The following USP34 variants were observed in gnomAD, a reference collection of about 807,000 sequenced individuals.
The protein encoded by USP34 is ubiquitin carboxyl-terminal hydrolase 34.
In USP34, 70 loss-of-function variants were observed where a neutral mutation model predicts 460.3. That is an observed-to-expected ratio of 0.15 (90% CI 0.13 to 0.19). USP34 has a LOEUF of 0.19. USP34 is among the 10% of genes least tolerant of loss of function. USP34 has a pLI of 1.00. For synonymous variants in USP34, 1,647 were observed against 1,405.3 expected, an observed-to-expected ratio of 1.17 and a Z score of -3.85; for missense variants, 3,985 against 4,236.2, an observed-to-expected ratio of 0.94 and a Z score of 1.65.
At chr2:61,189,667 A>G (rs1686566128) in intron 78 of USP34, 1 of 152,390 alleles carries the variant, frequency 6.6e-6, no homozygotes, top group African/African-American at 2.4e-5. Context: ...TGAAAAATGG[A>G]AAAGGAAATA....
At chr2:61,352,482 C>T (rs937382286) in intron 10 of USP34, among the ~76,000 whole-genome samples, 1 of 151,614 alleles carries the variant, frequency 6.6e-6, no homozygotes, top group African/African-American at 2.4e-5. Context: ...TATTAATCTG[C>T]CACTTGGTTA....
intron 10 of USP34, among the ~76,000 whole-genome samples, chr2:61,359,225 C>G (rs1170217351): frequency 6.6e-6 from 1 of 152,074 alleles, no homozygotes; most frequent in Non-Finnish European, 1.5e-5. Flanking sequence ...TAGTATGGTA[C>G]TGACATAAGG....
chr2:61,429,908 G>C (rs1182623948), intron 1 of USP34, among the ~76,000 whole-genome samples: 2 of 151,246 alleles, frequency 1.3e-5, no homozygotes, highest in Non-Finnish European at 2.9e-5. Context: ...CTAAAATTTT[G>C]TATTTGTAAA....
chr2:61,339,045 T>C (rs1398670731), intron 18 of USP34, among the ~76,000 whole-genome samples: 6 of 152,180 alleles, frequency 3.9e-5, no homozygotes, highest in Admixed American at 3.9e-4. Flanking sequence ...TAACTGCAAT[T>C]TGAAAACAGA....
chr2:61,232,860 T>TCC (rs1165219820), intron 57 of USP34, among the ~76,000 whole-genome samples: 948 of 66,262 alleles, frequency 0.014, 28 homozygotes, highest in Middle Eastern at 0.054. Context: ...ATATATATAT[T>TCC]CCCCCCCCCC....
At position 61,197,221 on chromosome 2, in the gene USP34, A is replaced by C. The variant is rs150392273; in HGVS notation, c.9509-4241T>G. ...TGGAGGCAGAGGTTGCAGTGAGCCG[A>C]AACTGTGCCACTGTACTCCAGCCTG... On this transcript the variant is annotated intron_variant, in intron 75 of 79. Coordinates refer to ENST00000398571, the MANE Select transcript of USP34 (RefSeq NM_014709.4). 3.4e-3 allele frequency among the ~76,000 whole-genome samples: 519 copies of C among 152,334 alleles called. 2 individuals are homozygous for C. The highest frequency in any genetic ancestry group is 0.011 in the African/African-American group (447 of 41,562).
intron 1 of USP34, among the ~76,000 whole-genome samples, chr2:61,454,830 T>TAGCCGCC (rs1483866476): frequency 1.3e-5 from 2 of 148,876 alleles, no homozygotes; most frequent in Non-Finnish European, 3.0e-5. Flanking sequence ...ATTATAGGCA[T>TAGCCGCC]AGCCGCCACA....
chr2:61,223,970 C>T (rs1665521410), intron 62 of USP34, among the ~76,000 whole-genome samples: 1 of 152,200 alleles, frequency 6.6e-6, no homozygotes, highest in Non-Finnish European at 1.5e-5. Flanking sequence ...ATGAATTATT[C>T]TGAAGCAAAT....
chr2:61,447,716 T>TTTTA (rs1008854837), intron 1 of USP34, among the ~76,000 whole-genome samples: 116 of 152,232 alleles, frequency 7.6e-4, no homozygotes, highest in African/African-American at 2.6e-3. Flanking sequence ...GGGTTTTTTC[T>TTTTA]TTTATTTATT....
chr2:61,231,470 T>C (rs1214937690), intron 58 of USP34, among the ~76,000 whole-genome samples: 1 of 152,182 alleles, frequency 6.6e-6, no homozygotes, highest in Non-Finnish European at 1.5e-5. Flanking sequence ...CCCAGAACTC[T>C]GGGAGGCTAA....
rs771021378 is a variant in USP34, at chr2:61,204,502, A to G, written c.9254T>C (p.Ile3085Thr). ...HNHCTYHHSNIPMSLGPYFPC... is the reference protein window; with the variant it reads ...HNHCTYHHSNTPMSLGPYFPC... ...TGTGCTAGATAAATACGTACTTGGT[A>G]TATTACTGTGATGGTAAGTACAATG... The change falls in exon 73 of 80, where the codon ATA becomes ACA. Residue 3085 changes from isoleucine (I) to threonine (T), a missense_variant. This residue lies in a region of USP34 where 275 missense variants were observed against 292.7 expected (regional missense o/e 0.94). Transcript: ENST00000398571. The G allele has an allele frequency of 4.3e-6, 7 of 1,613,776 alleles. No homozygotes were observed. Among genetic ancestry groups the G allele is most frequent in the South Asian group, 1.1e-5 (1 of 91,060 alleles).
In USP34 at chr2:61,220,437, A is replaced by G. The variant is rs746383131; in HGVS notation, c.7920T>C (p.Ser2640=). ...RIWEVIEYNP[S]QCLDWLAVQT... ...GCACTGCCAACCAATCTAGACACTG[A>G]GAAGGATTGTATTCAATCACCTACA... is the stretch of plus-strand genomic sequence containing the variant. The change falls in exon 67 of 80, where the codon TCT becomes TCC. Residue 2640 remains serine (S), a synonymous_variant. Coordinates refer to ENST00000398571, the MANE Select transcript of USP34 (RefSeq NM_014709.4). 5 of 1,612,964 alleles carry G rather than the reference A, an allele frequency of 3.1e-6. No individual in the cohort carries two copies. The African/African-American group carries it at 6.7e-5, about 22-fold the overall frequency.
At chr2:61,430,091 T>A (rs897092420) in intron 1 of USP34, among the ~76,000 whole-genome samples, 11 of 151,972 alleles carry the variant, frequency 7.2e-5, no homozygotes, top group African/African-American at 2.7e-4. Flanking sequence ...GGTGGGCACC[T>A]GTAGTCCCAG....
chr2:61,420,934 G>T, intron 1 of USP34, 101 bp from the exon 2 acceptor site: 2 of 712,894 alleles, frequency 2.8e-6, no homozygotes. Context: ...AAACATTTCA[G>T]ATAATCATTC....
At chr2:61,261,168 A>G (rs937914015) in intron 43 of USP34, among the ~76,000 whole-genome samples, 1 of 152,260 alleles carries the variant, frequency 6.6e-6, no homozygotes, top group African/African-American at 2.4e-5. Context: ...TATACACCCA[A>G]AAGTAGTAAA....
chr2:61,391,039 G>A (rs1170423407), intron 5 of USP34, among the ~76,000 whole-genome samples: 1 of 151,904 alleles, frequency 6.6e-6, no homozygotes, highest in Non-Finnish European at 1.5e-5. Flanking sequence ...AGGCTGAGGT[G>A]AGCAGGGATC....
At chr2:61,261,747 T>C (rs1462347564) in intron 43 of USP34, among the ~76,000 whole-genome samples, 1 of 152,118 alleles carries the variant, frequency 6.6e-6, no homozygotes, top group African/African-American at 2.4e-5. Context: ...TTAACTGAAG[T>C]GTTCATCTTA....
intron 6 of USP34, among the ~76,000 whole-genome samples, chr2:61,382,538 A>C (rs1483312469): frequency 6.6e-6 from 1 of 152,108 alleles, no homozygotes; most frequent in Non-Finnish European, 1.5e-5. Context: ...AGCATTCATC[A>C]CTATCTGATT....
Position 61,380,261 on chromosome 2 carries a change from A to G in USP34, c.922T>C (p.Leu308=). The change falls in exon 7 of 80, where the codon TTA becomes CTA. Residue 308 remains leucine (L), a synonymous_variant. Transcript: ENST00000398571. ...STVKEPLDTT[L]CFDKESLDLA... Reference sequence around the variant, plus strand: ...TCTAGGCTTTCTTTATCAAAGCATAATGTTGTATCCAATGGTTCTTTGACT... The same window carrying G: ...TCTAGGCTTTCTTTATCAAAGCATAGTGTTGTATCCAATGGTTCTTTGACT... The G allele has an allele frequency of 1.2e-6, 2 of 1,614,174 alleles. No individual in the cohort carries two copies. The highest frequency in any genetic ancestry group is 1.7e-6 in the Non-Finnish European group (2 of 1,180,014).
Sources: allele counts gnomAD v4.1 joint callset (sites outside exome capture counted in the v4.1 genomes callset), GRCh38; gene constraint gnomAD v4.1.1; regional missense constraint gnomAD v4.1.1; transcripts MANE v1.5; gene names NCBI Gene and HGNC (gene_info 2026-07-23, HGNC 2026-07-21).